DOCK8: variants seen among roughly 807,000 people sequenced by gnomAD.
DOCK8 encodes dedicator of cytokinesis protein 8.
In DOCK8, 141 loss-of-function variants were observed where a neutral mutation model predicts 245.6. The observed-to-expected ratio is 0.57, with a 90% CI of 0.50 to 0.66. The LOEUF is 0.66. Ranked by LOEUF, DOCK8 falls within the 30% of genes least tolerant of loss-of-function variation. The pLI, the probability that DOCK8 is intolerant of heterozygous loss-of-function variation, is 0.00. For synonymous variants in DOCK8, 1,168 were observed against 970.2 expected (o/e 1.20, Z -3.79); for missense variants, 2,965 against 2,603.4 (o/e 1.14, Z -3.02).
chr9:275,896 ACT>A (rs1491094252), intron 2 of DOCK8, among the ~76,000 whole-genome samples: 15 of 123,880 alleles, frequency 1.2e-4, no homozygotes, highest in Admixed American at 4.8e-4. Flanking sequence ...GCCTAGTTTT[ACT>A]TTTTTTTTTT....
intron 28 of DOCK8, among the ~76,000 whole-genome samples, chr9:407,813 C>G (rs1382078405): frequency 6.6e-6 from 1 of 152,142 alleles, no homozygotes. Context: ...TAGAGTACAT[C>G]AGAGATATAT....
rs1425442172 is a variant in DOCK8 at position 428,448 on chromosome 9, C to T, written c.4425C>T (p.Thr1475=). ...ATTCTCTGAACTGTGATCAGAGTAC[C>T]ACCTACCTGACTCACTGCTTTGCAA... ...LVNSLNCDQS[T]TYLTHCFATL... is the part of the protein sequence containing the mutation. Residue 1475 remains threonine, a synonymous_variant, in exon 35 of 48, where the codon ACC becomes ACT. Transcript: ENST00000432829. 1.2e-6 allele frequency: 2 copies of T among 1,614,156 alleles called. No individual in the cohort carries two copies. Among genetic ancestry groups the T allele is most frequent in the African/African-American group, 1.3e-5 (1 of 75,030 alleles).
chr9:344,068 A>G (rs1195368672), intron 14 of DOCK8, among the ~76,000 whole-genome samples: 1 of 152,050 alleles, frequency 6.6e-6, no homozygotes, highest in African/African-American at 2.4e-5. Flanking sequence ...CAGACCCACA[A>G]ATACAGAGTT....
intron 1 of DOCK8, among the ~76,000 whole-genome samples, chr9:240,695 A>G (rs998866867): frequency 1.3e-5 from 2 of 152,108 alleles, no homozygotes; most frequent in South Asian, 2.1e-4. Context: ...CATATGACAG[A>G]TATTTCTTGA....
intron 46 of DOCK8, among the ~76,000 whole-genome samples, chr9:458,871 T>C (rs1475675106): frequency 2.6e-5 from 4 of 152,158 alleles, no homozygotes; most frequent in Non-Finnish European, 5.9e-5. Context: ...CTACTCTCTC[T>C]GTAGGAGACC....
At chr9:345,876 G>T (rs963650923) in intron 14 of DOCK8, among the ~76,000 whole-genome samples, 3 of 152,120 alleles carry the variant, frequency 2.0e-5, no homozygotes, top group African/African-American at 7.2e-5. Context: ...TGGTAGAACT[G>T]GGTAGTGCTC....
chr9:439,492 G>A (rs2057017781), intron 40 of DOCK8, 104 bp downstream of exon 40: 16 of 1,477,514 alleles, frequency 1.1e-5, no homozygotes, highest in Non-Finnish European at 1.2e-5. Flanking sequence ...CCCACTTCCC[G>A]AGGACACGTG....
chr9:462,975 T>C (rs2057853540), intron 46 of DOCK8, among the ~76,000 whole-genome samples: 1 of 152,218 alleles, frequency 6.6e-6, no homozygotes, highest in African/African-American at 2.4e-5. Context: ...TTTAGGGTTG[T>C]TGGGAAAATT....
In DOCK8 at chr9:449,779, T is replaced by G; in HGVS notation, c.5818-5T>G. The stretch of plus-strand genomic sequence containing the variant: ...GACTTCCCTATGTTTACGTCTCATG[T>G]TCAGTTTGTTTTGACACCGATTGAA... On this transcript the variant is annotated splice_polypyrimidine_tract_variant and splice_region_variant and intron_variant, in intron 44 of 47. Coordinates refer to ENST00000432829, the MANE Select transcript of DOCK8 (RefSeq NM_203447.4). 1 of 1,612,652 alleles carries G rather than the reference T, an allele frequency of 6.2e-7. No individual in the cohort carries two copies. The highest frequency in any genetic ancestry group is 8.5e-7 in the Non-Finnish European group (1 of 1,180,010).
chr9:389,831 A>G (rs1384846931), intron 23 of DOCK8, among the ~76,000 whole-genome samples: 1 of 151,878 alleles, frequency 6.6e-6, no homozygotes, highest in Non-Finnish European at 1.5e-5. Context: ...AGTGGGCAGC[A>G]TGGCGAAACC....
At chr9:350,078 C>G (rs776827241) in intron 14 of DOCK8, among the ~76,000 whole-genome samples, 11 of 152,138 alleles carry the variant, frequency 7.2e-5, no homozygotes, top group African/African-American at 2.4e-4. Flanking sequence ...TTCGGCTCAT[C>G]GCAAACTTGG....
intron 28 of DOCK8, among the ~76,000 whole-genome samples, chr9:410,668 A>G (rs1275345776): frequency 1.3e-5 from 2 of 152,246 alleles, no homozygotes; most frequent in East Asian, 3.8e-4. Context: ...CTGAGCTAGG[A>G]AAAGAAGAGC....
intron 36 of DOCK8, among the ~76,000 whole-genome samples, chr9:430,409 C>T (rs1445002284): frequency 5.9e-5 from 9 of 151,746 alleles, no homozygotes; most frequent in Admixed American, 5.2e-4. Context: ...TAACCAGGTG[C>T]AGTGGCTCAT....
intron 46 of DOCK8, among the ~76,000 whole-genome samples, chr9:455,340 C>T (rs961290331): frequency 1.3e-5 from 2 of 151,644 alleles, no homozygotes; most frequent in Admixed American, 6.6e-5. Context: ...TAAAAAAATA[C>T]AAAAAAATAC....
At chr9:245,239 C>G (rs934670838) in intron 1 of DOCK8, among the ~76,000 whole-genome samples, 8 of 152,198 alleles carry the variant, frequency 5.3e-5, no homozygotes, top group African/African-American at 1.9e-4. Context: ...AAGTCTCACA[C>G]TGTCACCCAG....
Position 340,272 on chromosome 9 carries a change from A to G in DOCK8, c.1630A>G (p.Ile544Val). 1.2e-6 allele frequency: 2 copies of G among 1,614,076 alleles called. No homozygotes were observed. The highest frequency in any genetic ancestry group is 1.7e-6 in the Non-Finnish European group (2 of 1,180,018). ...PENRTRPHKEILEFPTREVYV... is the reference protein window; with the variant it reads ...PENRTRPHKEVLEFPTREVYV... ...AAACCGGACACGCCCGCACAAAGAG[A>G]TTTTGGAATTTCCAACACGAGAAGT... The change falls in exon 14 of 48, where the codon ATT (isoleucine) becomes GTT (valine). Residue 544 changes from isoleucine (I) to valine (V), a missense_variant. Around this residue, in one of 3 missense-constraint regions of DOCK8, gnomAD observed 2,825 missense variants for 2,453.5 expected, o/e 1.15. Coordinates refer to ENST00000432829, the MANE Select transcript of DOCK8 (RefSeq NM_203447.4).
At chr9:221,737 G>C (rs188628290) in intron 1 of DOCK8, among the ~76,000 whole-genome samples, 1 of 151,528 alleles carries the variant, frequency 6.6e-6, no homozygotes, top group Non-Finnish European at 1.5e-5. Context: ...CAGGAGAATC[G>C]CTTGAACCTG....
At chr9:390,986 GACC>G (rs2131356958) in intron 24 of DOCK8, among the ~76,000 whole-genome samples, 1 of 152,266 alleles carries the variant, frequency 6.6e-6, no homozygotes, top group South Asian at 2.1e-4. Flanking sequence ...TTTTTATCAT[GACC>G]TAAAAAGCCC....
At chr9:453,523 C>G (rs993066621) in intron 46 of DOCK8, among the ~76,000 whole-genome samples, 1 of 152,136 alleles carries the variant, frequency 6.6e-6, no homozygotes, top group Non-Finnish European at 1.5e-5. Flanking sequence ...ACTTCCCAGG[C>G]TCAAGAGATT....
Sources: gnomAD v4.1 joint callset for allele counts (sites outside exome capture counted in the v4.1 genomes callset) on GRCh38, gnomAD v4.1.1 for gene constraint, gnomAD v4.1.1 regional missense constraint, MANE v1.5 for transcripts, NCBI Gene and HGNC (gene_info 2026-07-23, HGNC 2026-07-21) for gene names.